RBKS: variants seen among roughly 807,000 people sequenced by gnomAD.
RBKS encodes the protein ribokinase.
Under a neutral mutation model 33.9 loss-of-function variants are expected in RBKS, and 33 were observed. That is an observed-to-expected ratio of 0.97 (90% CI 0.74 to 1.30). The LOEUF is 1.30. Among genes scored for constraint, RBKS ranks in the 50% most tolerant of loss-of-function variants. RBKS has a pLI of 0.00. For synonymous variants in RBKS, 125 were observed against 143.0 expected (o/e 0.87, Z 0.90); for missense variants, 361 against 392.6 (o/e 0.92, Z 0.68).
At chr2:27,883,467 G>C (rs1664461940) in intron 1 of RBKS, among the ~76,000 whole-genome samples, 1 of 152,168 alleles carries the variant, frequency 6.6e-6, no homozygotes, top group Non-Finnish European at 1.5e-5. Context: ...CCAAAGTGCT[G>C]GGATTACAGG....
chr2:27,816,724 A>G (rs1186535683), intron 7 of RBKS, among the ~76,000 whole-genome samples: 1 of 151,816 alleles, frequency 6.6e-6, no homozygotes, highest in East Asian at 1.9e-4. Context: ...CAGCCTCCCG[A>G]GTAGCTGGGA....
At chr2:27,796,128 T>C (rs1407454372) in intron 7 of RBKS, among the ~76,000 whole-genome samples, 9 of 152,226 alleles carry the variant, frequency 5.9e-5, no homozygotes, top group African/African-American at 1.9e-4. Flanking sequence ...ACATTCTCAT[T>C]GTTGAATCTA....
At chr2:27,864,242 T>C (rs1445255804) in intron 1 of RBKS, among the ~76,000 whole-genome samples, 1 of 151,964 alleles carries the variant, frequency 6.6e-6, no homozygotes, top group Non-Finnish European at 1.5e-5. Flanking sequence ...AGGCTACTCT[T>C]GAACTCCTGG....
chr2:27,848,804 G>C (rs1289026199), intron 2 of RBKS, among the ~76,000 whole-genome samples: 1 of 147,330 alleles, frequency 6.8e-6, no homozygotes, highest in African/African-American at 2.5e-5. Context: ...TCACACCACT[G>C]CACTATAGTC....
chr2:27,861,393 A>T, intron 1 of RBKS: 1 of 439,728 alleles, frequency 2.3e-6, no homozygotes, highest in Non-Finnish European at 4.8e-6. Context: ...CTGTCCGACA[A>T]TAACAACTCC....
chr2:27,888,370 G>C (rs1023902553), intron 1 of RBKS, among the ~76,000 whole-genome samples: 2 of 152,046 alleles, frequency 1.3e-5, no homozygotes, highest in Non-Finnish European at 2.9e-5. Flanking sequence ...CAGGTGATCT[G>C]CCCACCTTGG....
At chr2:27,816,669 G>T (rs1159147059) in intron 7 of RBKS, among the ~76,000 whole-genome samples, 1 of 151,912 alleles carries the variant, frequency 6.6e-6, no homozygotes, top group Non-Finnish European at 1.5e-5. Context: ...GCTGGTCTCG[G>T]CTCACTGCAA....
At chr2:27,805,313 G>A (rs1322789320) in intron 7 of RBKS, among the ~76,000 whole-genome samples, 2 of 152,148 alleles carry the variant, frequency 1.3e-5, no homozygotes, top group African/African-American at 4.8e-5. Flanking sequence ...TTTCTTGAGG[G>A]CTTTTCTTTT....
chr2:27,878,913 C>T (rs1011361243), intron 1 of RBKS, among the ~76,000 whole-genome samples: 1 of 152,222 alleles, frequency 6.6e-6, no homozygotes, highest in Admixed American at 6.5e-5. Context: ...GAGCCCTTCA[C>T]TGGTTTCCAG....
intron 1 of RBKS, among the ~76,000 whole-genome samples, chr2:27,883,689 T>C (rs564134055): frequency 6.6e-6 from 1 of 151,980 alleles, no homozygotes; most frequent in Non-Finnish European, 1.5e-5. Flanking sequence ...TGCTTTGTAA[T>C]AGTACACAGT....
At chr2:27,861,306 C>T in intron 1 of RBKS, 1 of 371,194 alleles carries the variant, frequency 2.7e-6, no homozygotes, top group Non-Finnish European at 5.5e-6. Flanking sequence ...CGTATAGCAT[C>T]TATTCCTGTT....
chr2:27,851,145 T>C (rs576695982), intron 2 of RBKS, among the ~76,000 whole-genome samples: 11 of 152,358 alleles, frequency 7.2e-5, no homozygotes, highest in African/African-American at 2.6e-4. Context: ...ACTCCTGGTG[T>C]GTTCTATTCT....
At chr2:27,886,517 G>T (rs75752768) in intron 1 of RBKS, among the ~76,000 whole-genome samples, 900 of 152,254 alleles carry the variant, frequency 5.9e-3, no homozygotes, top group Non-Finnish European at 8.2e-3. Flanking sequence ...GCTATCAAAT[G>T]TACTGTAGAT....
At chr2:27,846,621 C>T (rs1020233208) in intron 4 of RBKS, among the ~76,000 whole-genome samples, 1 of 152,196 alleles carries the variant, frequency 6.6e-6, no homozygotes, top group Admixed American at 6.5e-5. Flanking sequence ...GCCATTTGCT[C>T]AGAACATATT....
intron 6 of RBKS, among the ~76,000 whole-genome samples, chr2:27,829,293 C>T (rs1054835665): frequency 2.6e-5 from 4 of 151,292 alleles, no homozygotes; most frequent in African/African-American, 9.7e-5. Context: ...TTTGCAGGCT[C>T]ACTTTACTTA....
At chr2:27,831,240 T>C (rs1486408710) in intron 6 of RBKS, among the ~76,000 whole-genome samples, 2 of 152,074 alleles carry the variant, frequency 1.3e-5, no homozygotes, top group Non-Finnish European at 2.9e-5. Flanking sequence ...GATAACTATA[T>C]ACACAGGGAT....
intron 1 of RBKS, among the ~76,000 whole-genome samples, chr2:27,883,531 C>CTA (rs1471604503): frequency 6.6e-6 from 1 of 151,912 alleles, no homozygotes; most frequent in Admixed American, 6.6e-5. Context: ...GTTTAGCACA[C>CTA]TATAAGTATT....
chr2:27,836,271 GAAATGATATAA>G (rs1412755232), intron 5 of RBKS, among the ~76,000 whole-genome samples: 5 of 152,078 alleles, frequency 3.3e-5, no homozygotes, highest in Non-Finnish European at 5.9e-5. Context: ...TACTATAAAC[GAAATGATATAA>G]CATCTGGGTT....
At chr2:27,823,322 A>G (rs1678249044) in intron 7 of RBKS, among the ~76,000 whole-genome samples, 1 of 152,232 alleles carries the variant, frequency 6.6e-6, no homozygotes, top group African/African-American at 2.4e-5. Context: ...ACAGTGAGGC[A>G]AAACTGAATA....
Sources: gnomAD v4.1 joint callset for allele counts (sites outside exome capture counted in the v4.1 genomes callset) on GRCh38, gnomAD v4.1.1 for gene constraint, MANE v1.5 for transcripts, NCBI Gene and HGNC (gene_info 2026-07-23, HGNC 2026-07-21) for gene names.